The following B3GALT1 variants were observed in gnomAD, a reference collection of about 807,000 sequenced individuals.
The protein encoded by B3GALT1 is beta-1,3-galactosyltransferase 1.
A neutral mutation model predicts 23.2 loss-of-function variants in B3GALT1; 10 were observed. The observed-to-expected ratio is 0.43, with a 90% CI of 0.27 to 0.73. B3GALT1 has a LOEUF of 0.73. B3GALT1 is among the 30% of genes least tolerant of loss of function. The pLI is 0.21. For synonymous variants in B3GALT1, 156 were observed against 141.5 expected (o/e 1.10, Z -0.73); for missense variants, 299 against 405.4 (o/e 0.74, Z 2.25).
At chr2:167,723,530 T>C (rs1687264602) in intron 3 of B3GALT1, among the ~76,000 whole-genome samples, 1 of 151,704 alleles carries the variant, frequency 6.6e-6, no homozygotes. Context: ...TTCTTTCCTT[T>C]TTTTTTTTGT....
intron 4 of B3GALT1, among the ~76,000 whole-genome samples, chr2:167,855,207 A>G (rs1689976729): frequency 6.6e-6 from 1 of 152,138 alleles, no homozygotes; most frequent in South Asian, 2.1e-4. Context: ...CCTACCTCTC[A>G]CATTAAGTCA....
intron 1 of B3GALT1, among the ~76,000 whole-genome samples, chr2:167,308,141 C>A (rs1024122463): frequency 1.1e-4 from 16 of 151,796 alleles, no homozygotes; most frequent in African/African-American, 3.9e-4. Flanking sequence ...CTTAATAAAA[C>A]CTTAGGCAGT....
At chr2:167,758,136 TCTCCTTTCC>T (rs776250397) in intron 3 of B3GALT1, among the ~76,000 whole-genome samples, 1 of 152,166 alleles carries the variant, frequency 6.6e-6, no homozygotes, top group Non-Finnish European at 1.5e-5. Context: ...TTTTCTTTCC[TCTCCTTTCC>T]CTCCTTTCTC....
chr2:167,868,377 C>G (rs1559009182), intron 4 of B3GALT1, among the ~76,000 whole-genome samples: 1 of 151,790 alleles, frequency 6.6e-6, no homozygotes, highest in Admixed American at 6.6e-5. Context: ...ATTCCTTCAC[C>G]AGAATCAAGC....
intron 3 of B3GALT1, among the ~76,000 whole-genome samples, chr2:167,770,152 G>A (rs977107144): frequency 6.6e-6 from 1 of 152,152 alleles, no homozygotes; most frequent in Non-Finnish European, 1.5e-5. Context: ...TGCCACCCAG[G>A]CTAGAATGCA....
intron 1 of B3GALT1, among the ~76,000 whole-genome samples, chr2:167,356,745 A>G (rs189560614): frequency 1.7e-4 from 26 of 152,060 alleles, no homozygotes; most frequent in Non-Finnish European, 2.1e-4. Context: ...ATAGTGACAT[A>G]TATACATATA....
At chr2:167,690,357 A>G (rs1686691192) in intron 3 of B3GALT1, among the ~76,000 whole-genome samples, 1 of 152,090 alleles carries the variant, frequency 6.6e-6, no homozygotes, top group Admixed American at 6.5e-5. Context: ...ATTACAAAAT[A>G]GTTCAAAAAT....
chr2:167,532,428 T>C (rs567206142), intron 2 of B3GALT1, among the ~76,000 whole-genome samples: 1 of 152,216 alleles, frequency 6.6e-6, no homozygotes, highest in Non-Finnish European at 1.5e-5. Context: ...AATACTGTTA[T>C]ACATAGATTC....
chr2:167,819,724 T>G (rs1168796102), intron 4 of B3GALT1, among the ~76,000 whole-genome samples: 1 of 152,208 alleles, frequency 6.6e-6, no homozygotes, highest in East Asian at 1.9e-4. Context: ...AGGTGGCGGG[T>G]AGCTCTGAGC....
intron 1 of B3GALT1, among the ~76,000 whole-genome samples, chr2:167,344,935 G>A (rs1427312980): frequency 1.3e-5 from 2 of 152,100 alleles, no homozygotes; most frequent in Admixed American, 1.3e-4. Flanking sequence ...TTCAACACTG[G>A]ATTTACACAG....
chr2:167,581,300 C>T (rs975232534), intron 2 of B3GALT1, among the ~76,000 whole-genome samples: 2 of 152,192 alleles, frequency 1.3e-5, no homozygotes, highest in African/African-American at 2.4e-5. Flanking sequence ...GAACTGTGTG[C>T]TGTGGTAGAG....
At chr2:167,576,964 C>A (rs921976806) in intron 2 of B3GALT1, among the ~76,000 whole-genome samples, 1 of 151,620 alleles carries the variant, frequency 6.6e-6, no homozygotes, top group Admixed American at 6.6e-5. Flanking sequence ...CTGATTTCTC[C>A]CATCTGTCCT....
intron 1 of B3GALT1, among the ~76,000 whole-genome samples, chr2:167,478,514 C>G (rs1699518224): frequency 6.6e-6 from 1 of 151,462 alleles, no homozygotes; most frequent in Admixed American, 6.6e-5. Flanking sequence ...TATAAAAAAA[C>G]AAAAGCAAAT....
intron 2 of B3GALT1, among the ~76,000 whole-genome samples, chr2:167,502,485 A>G (rs1241207919): frequency 6.6e-6 from 1 of 152,224 alleles, no homozygotes; most frequent in Non-Finnish European, 1.5e-5. Context: ...GTTTACTTGC[A>G]TCACGGTTCC....
At chr2:167,808,468 G>A (rs545427242) in intron 3 of B3GALT1, among the ~76,000 whole-genome samples, 1 of 151,358 alleles carries the variant, frequency 6.6e-6, no homozygotes, top group South Asian at 2.1e-4. Flanking sequence ...AGCTCTTTTA[G>A]GGCAGGCCTG....
chr2:167,414,779 C>A (rs1698442440), intron 1 of B3GALT1, among the ~76,000 whole-genome samples: 1 of 152,128 alleles, frequency 6.6e-6, no homozygotes, highest in African/African-American at 2.4e-5. Flanking sequence ...AATATGGATT[C>A]ATTCAAATTT....
chr2:167,430,304 A>C (rs1171051786), intron 1 of B3GALT1, among the ~76,000 whole-genome samples: 1 of 152,196 alleles, frequency 6.6e-6, no homozygotes, highest in African/African-American at 2.4e-5. Context: ...TGATAGATGA[A>C]GTCAAGGAGT....
Position 167,806,825 on chromosome 2 carries a change from G to A in B3GALT1, c.-351-11847G>A, listed in dbSNP as rs564977448. ...GCTTTGGTATCAGGATGATGCTGGC[G>A]TCATAAAATGAGTTAAGGAGGATTC... On this transcript the variant is annotated intron_variant, in intron 3 of 4. Coordinates refer to ENST00000392690, the MANE Select transcript of B3GALT1 (RefSeq NM_020981.4). Among the ~76,000 whole-genome samples the A allele has an allele frequency of 1.9e-3, 287 of 152,166 alleles. 3 individuals are homozygous for A. Among genetic ancestry groups the A allele is most frequent in the African/African-American group, 5.2e-3 (218 of 41,544 alleles).
chr2:167,428,917 A>T (rs990636736), intron 1 of B3GALT1, among the ~76,000 whole-genome samples: 2 of 152,158 alleles, frequency 1.3e-5, no homozygotes, highest in East Asian at 3.9e-4. Flanking sequence ...AAATATATTT[A>T]TCGACATACC....
Sources: allele counts gnomAD v4.1 joint callset (sites outside exome capture counted in the v4.1 genomes callset), GRCh38; gene constraint gnomAD v4.1.1; transcripts MANE v1.5; gene names NCBI Gene and HGNC (gene_info 2026-07-23, HGNC 2026-07-21).